Variants in SLC24A2 observed in about 807,000 individuals in gnomAD.
SLC24A2 encodes the protein sodium/potassium/calcium exchanger 2.
SLC24A2 carries 36 observed loss-of-function variants against 62.0 expected under a neutral mutation model. The ratio of observed to expected loss-of-function variants is 0.58; its 90% CI spans 0.44 to 0.77. SLC24A2 has a LOEUF of 0.77. Among genes scored for constraint, SLC24A2 ranks in the 30% least tolerant of loss-of-function variants. The pLI is 0.00. For synonymous variants in SLC24A2, 358 were observed against 294.0 expected (o/e 1.22, Z -2.23); for missense variants, 846 against 817.9 (o/e 1.03, Z -0.42).
chr9:19,933,051 G>A, the SLC24A2 span, among the ~76,000 whole-genome samples: 1 of 152,238 alleles, frequency 6.6e-6, no homozygotes, highest in South Asian at 2.1e-4. Flanking sequence ...AGGAGGTGGG[G>A]GCTGCGGGGA....
intron 2 of SLC24A2, among the ~76,000 whole-genome samples, chr9:19,714,006 G>A (rs183825196): frequency 6.6e-6 from 1 of 152,170 alleles, no homozygotes; most frequent in Non-Finnish European, 1.5e-5. Context: ...ATTATTAAAT[G>A]AAGTTCCATA....
At chr9:19,986,237 C>G in the SLC24A2 span, among the ~76,000 whole-genome samples, 2 of 152,226 alleles carry the variant, frequency 1.3e-5, no homozygotes, top group Non-Finnish European at 2.9e-5. Flanking sequence ...CCACTTCACA[C>G]CCACTAGGCT....
chr9:19,597,316 C>G (rs781613878), intron 4 of SLC24A2, 37 bp from the exon 5 acceptor site: 3 of 1,327,316 alleles, frequency 2.3e-6, no homozygotes, highest in Non-Finnish European at 3.3e-6. Context: ...AGATAAGGAA[C>G]GAGCTATAAT....
intron 2 of SLC24A2, among the ~76,000 whole-genome samples, chr9:19,742,564 AT>A (rs906582303): frequency 3.3e-5 from 5 of 151,800 alleles, no homozygotes; most frequent in East Asian, 1.9e-4. Flanking sequence ...CTGTTCTTAA[AT>A]TTTTTTTTAA....
chr9:19,733,738 T>G (rs1410294469), intron 2 of SLC24A2, among the ~76,000 whole-genome samples: 1 of 152,226 alleles, frequency 6.6e-6, no homozygotes. Context: ...TTCTCATTCT[T>G]AAGACTCAAT....
intron 2 of SLC24A2, among the ~76,000 whole-genome samples, chr9:19,683,964 A>G (rs767008027): frequency 1.4e-4 from 22 of 152,046 alleles, no homozygotes; most frequent in Non-Finnish European, 5.9e-5. Flanking sequence ...TTGGAATACT[A>G]TGGTTACAAG....
At chr9:19,744,375 G>A (rs926061456) in intron 2 of SLC24A2, among the ~76,000 whole-genome samples, 1 of 152,076 alleles carries the variant, frequency 6.6e-6, no homozygotes, top group African/African-American at 2.4e-5. Flanking sequence ...CTCATGTTAT[G>A]ATCACAACAC....
chr9:19,820,864 A>T, the SLC24A2 span, among the ~76,000 whole-genome samples: 4 of 152,090 alleles, frequency 2.6e-5, no homozygotes, highest in Admixed American at 6.6e-5. Flanking sequence ...CCCATTAAAG[A>T]GCTTAGTTGT....
the SLC24A2 span, among the ~76,000 whole-genome samples, chr9:20,181,249 A>G: frequency 5.2e-5 from 6 of 114,310 alleles, no homozygotes; most frequent in Non-Finnish European, 1.2e-4. Flanking sequence ...TTCTCATCTG[A>G]AAAAAAAAAA....
chr9:20,215,026 C>T, the SLC24A2 span, among the ~76,000 whole-genome samples: 1 of 152,130 alleles, frequency 6.6e-6, no homozygotes, highest in Non-Finnish European at 1.5e-5. Context: ...AACAAAATAC[C>T]ATAGACTAGA....
chr9:19,983,639 T>C, the SLC24A2 span, among the ~76,000 whole-genome samples: 3 of 151,888 alleles, frequency 2.0e-5, no homozygotes, highest in Admixed American at 6.6e-5. Context: ...TGAGACTCCA[T>C]CTCAAAAGAA....
At chr9:20,107,784 G>C in the SLC24A2 span, among the ~76,000 whole-genome samples, 1 of 151,952 alleles carries the variant, frequency 6.6e-6, no homozygotes, top group Non-Finnish European at 1.5e-5. Flanking sequence ...CATAGGCATG[G>C]GCAAGGACTT....
At chr9:19,914,488 G>A in the SLC24A2 span, among the ~76,000 whole-genome samples, 4 of 152,014 alleles carry the variant, frequency 2.6e-5, no homozygotes, top group Non-Finnish European at 4.4e-5. Context: ...TTCTGAGTTT[G>A]CTCATTTTTA....
chr9:19,523,059 G>A (rs565390566), intron 9 of SLC24A2, among the ~76,000 whole-genome samples: 125 of 152,274 alleles, frequency 8.2e-4, no homozygotes, highest in East Asian at 1.7e-3. Context: ...TGCCATGCAC[G>A]GTAGTTCCAG....
intron 2 of SLC24A2, among the ~76,000 whole-genome samples, chr9:19,630,007 C>T (rs1416321740): frequency 1.3e-5 from 2 of 152,156 alleles, no homozygotes; most frequent in African/African-American, 4.8e-5. Context: ...GCAAAAATGT[C>T]TGTCCTTATG....
chr9:20,183,102 C>G, the SLC24A2 span, among the ~76,000 whole-genome samples: 1 of 152,248 alleles, frequency 6.6e-6, no homozygotes, highest in South Asian at 2.1e-4. Flanking sequence ...AACCTAAAAT[C>G]TAGATCTACC....
chr9:20,276,896 G>T, the SLC24A2 span, among the ~76,000 whole-genome samples: 2 of 152,188 alleles, frequency 1.3e-5, no homozygotes, highest in South Asian at 4.1e-4. Context: ...TGGGACACAG[G>T]GCACCAAATC....
At chr9:19,853,430 C>T in the SLC24A2 span, among the ~76,000 whole-genome samples, 3 of 152,206 alleles carry the variant, frequency 2.0e-5, no homozygotes, top group South Asian at 6.2e-4. Flanking sequence ...TTCAGTATTA[C>T]ACTGGCTGTG....
At chr9:20,047,164 T>C in the SLC24A2 span, among the ~76,000 whole-genome samples, 1 of 152,114 alleles carries the variant, frequency 6.6e-6, no homozygotes, top group Non-Finnish European at 1.5e-5. Context: ...GATGTTGACA[T>C]GAAGGCCCAA....
Sources: gnomAD v4.1 joint callset for allele counts (sites outside exome capture counted in the v4.1 genomes callset) on GRCh38, gnomAD v4.1.1 for gene constraint, MANE v1.5 for transcripts, NCBI Gene and HGNC (gene_info 2026-07-23, HGNC 2026-07-21) for gene names.